Variants in NDUFS4 observed in about 807,000 individuals in gnomAD.
The protein encoded by NDUFS4 is NADH:ubiquinone oxidoreductase subunit S4.
NDUFS4 carries 28 observed loss-of-function variants against 24.3 expected under a neutral mutation model. The ratio of observed to expected loss-of-function variants is 1.15; its 90% CI spans 0.85 to 1.58. NDUFS4 has a LOEUF of 1.58. Among genes scored for constraint, NDUFS4 ranks in the 40% most tolerant of loss-of-function variants. The pLI, the probability that NDUFS4 is intolerant of heterozygous loss-of-function variation, is 0.00. For missense variants in NDUFS4, 223 were observed against 207.9 expected, an observed-to-expected ratio of 1.07 and a Z score of -0.45; for synonymous variants, 93 against 69.7, an observed-to-expected ratio of 1.34 and a Z score of -1.67.
chr5:53,631,129 C>G (rs2112490081), intron 2 of NDUFS4, among the ~76,000 whole-genome samples: 1 of 152,268 alleles, frequency 6.6e-6, no homozygotes, highest in South Asian at 2.1e-4. Flanking sequence ...TTCCTTCTAA[C>G]AGTCAGGCCT....
intron 1 of NDUFS4, among the ~76,000 whole-genome samples, chr5:53,568,553 G>A (rs549953659): frequency 2.7e-4 from 41 of 152,108 alleles, no homozygotes; most frequent in African/African-American, 9.6e-4. Flanking sequence ...TATTTTCTTG[G>A]GGAAAGTTTC....
chr5:53,596,257 C>G (rs1430312856), intron 1 of NDUFS4, among the ~76,000 whole-genome samples: 2 of 148,546 alleles, frequency 1.3e-5, no homozygotes, highest in Non-Finnish European at 3.0e-5. Flanking sequence ...ATGGTGAAAC[C>G]ATATCCCTAT....
chr5:53,640,108 A>T (rs1312344460), intron 2 of NDUFS4, among the ~76,000 whole-genome samples: 6 of 151,598 alleles, frequency 4.0e-5, no homozygotes, highest in African/African-American at 1.2e-4. Context: ...TCTCAGCATT[A>T]CGTGGTTGCT....
chr5:53,662,903 A>G (rs1752389970), intron 4 of NDUFS4, among the ~76,000 whole-genome samples: 1 of 151,840 alleles, frequency 6.6e-6, no homozygotes, highest in South Asian at 2.1e-4. Context: ...AGTTCTTTTA[A>G]TTGTGATGTT....
intron 1 of NDUFS4, among the ~76,000 whole-genome samples, chr5:53,594,430 A>G (rs72751841): frequency 0.093 from 14,127 of 152,106 alleles, 778 homozygotes; most frequent in Middle Eastern, 0.13. Flanking sequence ...ATAATTAAAA[A>G]TGGGTTTCTT....
At chr5:53,683,092 G>T (rs1273737956) in intron 4 of NDUFS4, 26 bp from the exon 5 acceptor site, 2 of 1,443,192 alleles carry the variant, frequency 1.4e-6, no homozygotes, top group South Asian at 2.3e-5. Context: ...TGTTTCTGTG[G>T]ATTTGTCTTT....
intron 2 of NDUFS4, among the ~76,000 whole-genome samples, chr5:53,639,469 A>T (rs954019447): frequency 1.3e-5 from 2 of 151,976 alleles, no homozygotes; most frequent in African/African-American, 4.8e-5. Flanking sequence ...TGACCTAGAC[A>T]TTTAATGAAT....
intron 2 of NDUFS4, among the ~76,000 whole-genome samples, chr5:53,631,334 G>T (rs72753643): frequency 0.42 from 64,331 of 152,080 alleles, 14,452 homozygotes; most frequent in Admixed American, 0.5. Flanking sequence ...CTACTGGGAG[G>T]CGTCTCCTGG....
chr5:53,682,341 A>AGAG lies in NDUFS4; in HGVS notation c.425-776_425-774dup, dbSNP rs143985031. On this transcript the variant is annotated intron_variant, in intron 4 of 4. Coordinates refer to ENST00000296684, the MANE Select transcript of NDUFS4 (RefSeq NM_002495.4). ...TGGAAGGAAAATATAAATACTCAGAAGAGAATAGACAGACACCTTTGATTA... is the reference window on the plus strand; with the variant it reads ...TGGAAGGAAAATATAAATACTCAGAAGAGGAGAATAGACAGACACCTTTGATTA... 1.4e-4 allele frequency among the ~76,000 whole-genome samples: 22 copies of AGAG among 152,184 alleles called. 1 individual carries two copies. The highest frequency in any genetic ancestry group is 4.8e-4 in the African/African-American group (20 of 41,544).
intron 1 of NDUFS4, among the ~76,000 whole-genome samples, chr5:53,594,872 T>G (rs201546174): frequency 3.4e-5 from 5 of 148,426 alleles, no homozygotes; most frequent in Non-Finnish European, 7.5e-5. Context: ...ATGTCTGTGT[T>G]TGTGTGTGTG....
intron 4 of NDUFS4, among the ~76,000 whole-genome samples, chr5:53,664,043 C>T (rs1029799435): frequency 6.6e-5 from 10 of 152,170 alleles, no homozygotes; most frequent in Admixed American, 1.3e-4. Flanking sequence ...TGCAAAATCT[C>T]TTTGCATTTG....
At chr5:53,608,590 C>G (rs977221562) in intron 2 of NDUFS4, among the ~76,000 whole-genome samples, 2 of 149,498 alleles carry the variant, frequency 1.3e-5, no homozygotes, top group Admixed American at 6.7e-5. Context: ...TAGATTCTGT[C>G]TCAAGAAACG....
chr5:53,651,150 C>A (rs1752006278), intron 3 of NDUFS4, among the ~76,000 whole-genome samples: 1 of 151,860 alleles, frequency 6.6e-6, no homozygotes, highest in Non-Finnish European at 1.5e-5. Flanking sequence ...TCTTTTTGTT[C>A]TGGTGTTAAC....
At chr5:53,570,421 T>C (rs913663976) in intron 1 of NDUFS4, among the ~76,000 whole-genome samples, 10 of 152,194 alleles carry the variant, frequency 6.6e-5, no homozygotes, top group African/African-American at 2.4e-4. Context: ...CATTTACCTA[T>C]TGAAGGACAT....
In NDUFS4 at chr5:53,679,228, GA is replaced by G. The variant is rs1388752974; in HGVS notation, c.425-3885del. ...TTTGGAAACAAAGTTGTTTGCCACA[GA>G]AAAACGGGAAGATAATAAATTTTTT... is the stretch of plus-strand genomic sequence containing the variant. On this transcript the variant is annotated intron_variant, in intron 4 of 4. Transcript: ENST00000296684. Among the ~76,000 whole-genome samples the G allele has an allele frequency of 2.0e-5, 3 of 151,842 alleles. No homozygotes were observed. In the East Asian group the frequency reaches 5.8e-4, roughly 29 times the overall value.
intron 4 of NDUFS4, among the ~76,000 whole-genome samples, chr5:53,667,922 G>A (rs144197031): frequency 2.6e-3 from 398 of 152,266 alleles, no homozygotes; most frequent in African/African-American, 8.9e-3. Flanking sequence ...GGGCTAGTTC[G>A]TCTTTATTTC....
chr5:53,682,827 A>C (rs1740712606), intron 4 of NDUFS4, among the ~76,000 whole-genome samples: 1 of 152,132 alleles, frequency 6.6e-6, no homozygotes, highest in Non-Finnish European at 1.5e-5. Context: ...GGAAATTTTT[A>C]TGTAATACAT....
intron 1 of NDUFS4, among the ~76,000 whole-genome samples, chr5:53,569,690 G>A (rs534858317): frequency 2.2e-4 from 33 of 152,190 alleles, no homozygotes; most frequent in African/African-American, 6.0e-4. Context: ...GTTTAACCCC[G>A]TATACACTTG....
At chr5:53,643,263 G>A (rs951653609) in intron 2 of NDUFS4, among the ~76,000 whole-genome samples, 1 of 152,000 alleles carries the variant, frequency 6.6e-6, no homozygotes, top group Non-Finnish European at 1.5e-5. Context: ...TAAGAAATTT[G>A]TAAAAGGCAA....
Sources: gnomAD v4.1 joint callset for allele counts (sites outside exome capture counted in the v4.1 genomes callset) on GRCh38, gnomAD v4.1.1 for gene constraint, MANE v1.5 for transcripts, NCBI Gene and HGNC (gene_info 2026-07-23, HGNC 2026-07-21) for gene names.